TGM6: variants seen among roughly 807,000 people sequenced by gnomAD.
The protein encoded by TGM6 is transglutaminase 6.
In TGM6, 74 loss-of-function variants were observed where a neutral mutation model predicts 77.5. The observed-to-expected ratio is 0.96, with a 90% CI of 0.79 to 1.16. The LOEUF is 1.16. Ranked by LOEUF, TGM6 falls within the 50% of genes most tolerant of loss-of-function variation. The probability of loss-of-function intolerance (pLI) is 0.00; values close to 1 mark genes in which losing one functional copy is unlikely to be tolerated. For missense variants in TGM6, 968 were observed against 940.2 expected, an observed-to-expected ratio of 1.03 and a Z score of -0.39; for synonymous variants, 383 against 378.9, an observed-to-expected ratio of 1.01 and a Z score of -0.12.
chr20:2,396,618 C>T lies in TGM6; in HGVS notation c.537C>T (p.Tyr179=), dbSNP rs140070681. ...EKHIRAQGWN[Y]GQFEEDILNI... The stretch of plus-strand genomic sequence containing the variant: ...ACATACGAGCCCAGGGCTGGAACTA[C>T]GGGCAGGTCTCCAGGGGCACAGGCC... The change falls in exon 4 of 13, where the codon TAC becomes TAT. Residue 179 remains tyrosine, a synonymous_variant. Coordinates refer to ENST00000202625, the MANE Select transcript of TGM6 (RefSeq NM_198994.3). The T allele has an allele frequency of 9.4e-5, 151 of 1,614,130 alleles. 1 individual carries two copies. In the African/African-American group the frequency reaches 1.0e-3, roughly 11 times the overall value.
chr20:2,403,889 T>A lies in TGM6; in HGVS notation c.1336+66T>A, dbSNP rs540825165. On this transcript the variant is annotated intron_variant, in intron 9 of 12. Coordinates refer to ENST00000202625, the MANE Select transcript of TGM6 (RefSeq NM_198994.3). The stretch of plus-strand genomic sequence containing the variant: ...GGCCCATCAGCTGCAGAGGGCCCAC[T>A]GCAGGTGGCCTGGAGCCAGGCCTCA... The A allele has an allele frequency of 3.3e-5, 53 of 1,612,750 alleles. No individual in the cohort carries two copies. In the East Asian group the frequency reaches 1.2e-3, roughly 36 times the overall value.
At chr20:2,388,526 C>T (rs2084610572) in intron 1 of TGM6, among the ~76,000 whole-genome samples, 2 of 151,718 alleles carry the variant, frequency 1.3e-5, no homozygotes, top group Admixed American at 6.6e-5. Context: ...AATCCCAGCA[C>T]TTTGTGAAGC....
chr20:2,403,233 A>G (rs1457974393), intron 7 of TGM6, among the ~76,000 whole-genome samples, 164 bp from the exon 8 acceptor site: 1 of 152,192 alleles, frequency 6.6e-6, no homozygotes, highest in African/African-American at 2.4e-5. Context: ...ATATACAAAC[A>G]TATGTGAATG....
intron 10 of TGM6, among the ~76,000 whole-genome samples, chr20:2,426,150 C>A (rs2084886307): frequency 6.6e-6 from 1 of 152,102 alleles, no homozygotes; most frequent in African/African-American, 2.4e-5. Flanking sequence ...GAATATCTCT[C>A]CATTTATTTA....
In TGM6 at chr20:2,432,676, G is replaced by GCCC. The variant is rs1476480979; in HGVS notation, c.*35_*37dup. On this transcript the variant is annotated 3_prime_UTR_variant, in exon 13 of 13. Coordinates refer to ENST00000202625, the MANE Select transcript of TGM6 (RefSeq NM_198994.3). ...TGAGGGACTGAGAGGGGTGGATTTGGCCCCTGTCCTCCTCCTGCCCATTCT... is the reference window on the plus strand; with the variant it reads ...TGAGGGACTGAGAGGGGTGGATTTGGCCCCCCCTGTCCTCCTCCTGCCCATTCT... The GCCC allele has an allele frequency of 1.9e-6, 3 of 1,613,770 alleles. No individual in the cohort carries two copies. The highest frequency in any genetic ancestry group is 3.3e-4 in the Middle Eastern group (2 of 6,034).
chr20:2,397,240 A>C (rs1199692251), intron 4 of TGM6, among the ~76,000 whole-genome samples: 1 of 152,178 alleles, frequency 6.6e-6, no homozygotes, highest in Non-Finnish European at 1.5e-5. Context: ...AGGCAGAGGG[A>C]AGAGCAGGCA....
At chr20:2,405,570 G>T (rs2122380773) in intron 9 of TGM6, among the ~76,000 whole-genome samples, 1 of 152,308 alleles carries the variant, frequency 6.6e-6, no homozygotes, top group South Asian at 2.1e-4. Flanking sequence ...AAGTGGGTGG[G>T]TGCTGCTGCC....
intron 4 of TGM6, among the ~76,000 whole-genome samples, chr20:2,397,683 C>T (rs1403471215): frequency 1.3e-5 from 2 of 152,162 alleles, no homozygotes; most frequent in African/African-American, 4.8e-5. Context: ...TCAGGAGCCA[C>T]AGGAGATTGT....
Position 2,380,972 on chromosome 20 carries a change from G to A in TGM6, c.4G>A (p.Ala2Thr). 6.2e-7 allele frequency: 1 copy of A among 1,608,470 alleles called. No homozygotes were observed. Among genetic ancestry groups the A allele is most frequent in the Non-Finnish European group, 8.5e-7 (1 of 1,178,578 alleles). M[A>T]GIRVTKVDWQ... The stretch of plus-strand genomic sequence containing the variant: ...GAGGAGTCCAGCTGGCCTTCACATG[G>A]CAGGTAAGTGGGCAGAGCCTGGGGC... Residue 2 changes from alanine (A) to threonine (T), a missense_variant, in exon 1 of 13, where the codon GCA (alanine) becomes ACA (threonine). By Grantham distance (58) the Ala-to-Thr change is moderately conservative. Transcript: ENST00000202625.
At chr20:2,424,796 A>C (rs2084877253) in intron 10 of TGM6, among the ~76,000 whole-genome samples, 1 of 152,160 alleles carries the variant, frequency 6.6e-6, no homozygotes, top group South Asian at 2.1e-4. Flanking sequence ...TTTTGACTTA[A>C]AGTGAGAGAC....
At chr20:2,411,563 A>AC (rs1367761748) in intron 9 of TGM6, among the ~76,000 whole-genome samples, 1 of 152,218 alleles carries the variant, frequency 6.6e-6, no homozygotes, top group Non-Finnish European at 1.5e-5. Flanking sequence ...GAAACGTTGA[A>AC]CATTTACACC....
intron 1 of TGM6, among the ~76,000 whole-genome samples, chr20:2,393,972 C>G (rs6114002): frequency 2.6e-5 from 4 of 152,116 alleles, no homozygotes; most frequent in African/African-American, 7.2e-5. Flanking sequence ...ATTAATTCAA[C>G]CTTTGCAGTG....
intron 1 of TGM6, among the ~76,000 whole-genome samples, chr20:2,386,622 C>A (rs1009945727): frequency 6.6e-6 from 1 of 152,074 alleles, no homozygotes; most frequent in African/African-American, 2.4e-5. Context: ...GATCAAGTAT[C>A]CACCAAGAAT....
At chr20:2,416,784 G>T (rs1213328778) in intron 9 of TGM6, among the ~76,000 whole-genome samples, 1 of 152,202 alleles carries the variant, frequency 6.6e-6, no homozygotes, top group Non-Finnish European at 1.5e-5. Flanking sequence ...AAGGGAGCAT[G>T]AATGGAATTT....
At chr20:2,414,196 A>T (rs1599959159) in intron 9 of TGM6, among the ~76,000 whole-genome samples, 1 of 152,158 alleles carries the variant, frequency 6.6e-6, no homozygotes. Context: ...ACATAGCAAG[A>T]CTCCATCTCT....
chr20:2,383,999 C>T (rs577881000), intron 1 of TGM6, among the ~76,000 whole-genome samples: 3 of 150,280 alleles, frequency 2.0e-5, no homozygotes, highest in South Asian at 2.1e-4. Context: ...CCCAGCTTCT[C>T]GGGAGCCTGA....
intron 9 of TGM6, among the ~76,000 whole-genome samples, chr20:2,406,005 G>A (rs2084748103): frequency 6.6e-6 from 1 of 152,170 alleles, no homozygotes; most frequent in South Asian, 2.1e-4. Flanking sequence ...ATCTTGATCA[G>A]CCAGTCATTT....
chr20:2,406,934 G>T (rs75376438), intron 9 of TGM6, among the ~76,000 whole-genome samples: 1 of 149,216 alleles, frequency 6.7e-6, no homozygotes, highest in Non-Finnish European at 1.5e-5. Flanking sequence ...GTTACTGAGC[G>T]CTGGCTGTGG....
chr20:2,402,045 C>G (rs1210067573), intron 7 of TGM6, among the ~76,000 whole-genome samples: 2 of 151,928 alleles, frequency 1.3e-5, no homozygotes, highest in Admixed American at 1.3e-4. Context: ...CGAGACCAGC[C>G]TGGCCAACAC....
Sources: allele counts gnomAD v4.1 joint callset (sites outside exome capture counted in the v4.1 genomes callset), GRCh38; gene constraint gnomAD v4.1.1; transcripts MANE v1.5; gene names NCBI Gene and HGNC (gene_info 2026-07-23, HGNC 2026-07-21).